The following RBFOX3 variants were observed in gnomAD, a reference collection of about 807,000 sequenced individuals.
RBFOX3 encodes the protein RNA binding fox-1 homolog 3.
In RBFOX3, 17 loss-of-function variants were observed where a neutral mutation model predicts 48.7. The observed-to-expected ratio is 0.35, with a 90% CI of 0.24 to 0.52. The LOEUF is 0.52. RBFOX3 is among the 20% of genes least tolerant of loss of function. RBFOX3 has a pLI of 0.94. For missense variants in RBFOX3, 382 were observed against 497.5 expected, an observed-to-expected ratio of 0.77 and a Z score of 2.21; for synonymous variants, 212 against 209.5, an observed-to-expected ratio of 1.01 and a Z score of -0.10.
At position 79,420,704 on chromosome 17, in the gene RBFOX3, G is replaced by A. The variant is rs528074795; in HGVS notation, c.-175+61750C>T. 1.4e-3 allele frequency among the ~76,000 whole-genome samples: 209 copies of A among 152,334 alleles called. 1 individual carries two copies. The highest frequency in any genetic ancestry group is 4.9e-3 in the African/African-American group (202 of 41,578). On this transcript the variant is annotated intron_variant, in intron 2 of 14. Transcript: ENST00000693108. ...GAGCTCGGCCACCCGAGGGGAGGGT[G>A]GAGGAAAGAGGCCTTGCTGTGAGGA...
At chr17:79,355,565 C>T (rs182484747) in intron 2 of RBFOX3, among the ~76,000 whole-genome samples, 63 of 152,140 alleles carry the variant, frequency 4.1e-4, no homozygotes, top group Non-Finnish European at 7.5e-4. Flanking sequence ...GAATATACCC[C>T]AAGCCTGTGA....
At chr17:79,583,966 G>A (rs1234706718) in intron 1 of RBFOX3, among the ~76,000 whole-genome samples, 1 of 152,068 alleles carries the variant, frequency 6.6e-6, no homozygotes, top group Non-Finnish European at 1.5e-5. Context: ...ACAGAGGGAG[G>A]AGCCCAGCCT....
At chr17:79,309,106 C>CA (rs5822288) in intron 2 of RBFOX3, among the ~76,000 whole-genome samples, 74,426 of 143,772 alleles carry the variant, frequency 0.52, 20,546 homozygotes, top group Non-Finnish European at 0.61. Flanking sequence ...GACTCTGTCT[C>CA]AAAAAAAAAA....
chr17:79,263,711 A>G (rs751855273), intron 3 of RBFOX3, among the ~76,000 whole-genome samples: 1 of 152,138 alleles, frequency 6.6e-6, no homozygotes, highest in Non-Finnish European at 1.5e-5. Flanking sequence ...GTTGCCTAGA[A>G]CGGTGCCTGA....
At chr17:79,512,279 A>G (rs1212745971) in intron 1 of RBFOX3, among the ~76,000 whole-genome samples, 3 of 134,822 alleles carry the variant, frequency 2.2e-5, no homozygotes, top group Non-Finnish European at 3.2e-5. Context: ...ACCCGGATAC[A>G]TATTACCATC....
At chr17:79,322,271 G>C (rs759345512) in intron 2 of RBFOX3, among the ~76,000 whole-genome samples, 7 of 140,528 alleles carry the variant, frequency 5.0e-5, no homozygotes, top group Non-Finnish European at 9.4e-5. Flanking sequence ...AGAGAGAGAG[G>C]AAGAGCAAGA....
At chr17:79,096,576 G>A (rs1568117376) in intron 12 of RBFOX3, 77 bp downstream of exon 12, 10 of 1,296,866 alleles carry the variant, frequency 7.7e-6, no homozygotes, top group Non-Finnish European at 5.4e-6. Flanking sequence ...CGGGCAGTGA[G>A]AGAGGAGACG....
intron 4 of RBFOX3, among the ~76,000 whole-genome samples, chr17:79,122,001 C>T (rs183313112): frequency 3.0e-3 from 450 of 152,268 alleles, no homozygotes; most frequent in Non-Finnish European, 4.8e-3. Context: ...ACCTCCTCCG[C>T]ATTGCCCCCA....
intron 1 of RBFOX3, among the ~76,000 whole-genome samples, chr17:79,501,239 C>T (rs1170584704): frequency 6.6e-6 from 1 of 152,200 alleles, no homozygotes; most frequent in Non-Finnish European, 1.5e-5. Flanking sequence ...CAATACGCTC[C>T]AGCCTGCTTG....
At chr17:79,192,315 G>T (rs573889183) in intron 4 of RBFOX3, among the ~76,000 whole-genome samples, 9 of 152,134 alleles carry the variant, frequency 5.9e-5, no homozygotes, top group African/African-American at 1.4e-4. Context: ...CATCAGGATG[G>T]GGGGGAGCCG....
At chr17:79,523,235 C>T (rs1312809061) in intron 1 of RBFOX3, among the ~76,000 whole-genome samples, 2 of 152,238 alleles carry the variant, frequency 1.3e-5, no homozygotes, top group East Asian at 3.9e-4. Flanking sequence ...GTGGTGACAG[C>T]TGCACAACAA....
chr17:79,131,818 C>T (rs940549585), intron 4 of RBFOX3, among the ~76,000 whole-genome samples: 29 of 152,294 alleles, frequency 1.9e-4, no homozygotes, highest in South Asian at 1.2e-3. Flanking sequence ...GAATCCTGCC[C>T]GGCCACCTGG....
intron 2 of RBFOX3, among the ~76,000 whole-genome samples, chr17:79,476,820 CAG>C (rs1221798333): frequency 4.6e-4 from 57 of 124,308 alleles, no homozygotes; most frequent in African/African-American, 1.4e-3. Context: ...GTGGCGGGGA[CAG>C]AGAGAGACAG....
rs557749171 is a variant in RBFOX3 at position 79,182,120 on chromosome 17, G to A, written c.-34+53646C>T. On this transcript the variant is annotated intron_variant, in intron 4 of 14. Transcript: ENST00000693108. ...CCAAGTTCCTTGGGGTGGGCACCCT[G>A]TACTCTCTCTCTCTCCAGTCTCGAA... Among the ~76,000 whole-genome samples the A allele has an allele frequency of 3.5e-4, 53 of 152,192 alleles. No individual in the cohort carries two copies. In the South Asian group the frequency reaches 0.011, roughly 30 times the overall value.
chr17:79,645,267 A>G, the RBFOX3 span, among the ~76,000 whole-genome samples: 1 of 152,056 alleles, frequency 6.6e-6, no homozygotes, highest in Non-Finnish European at 1.5e-5. Context: ...CCTTGCGTGC[A>G]ATGTCCAGCA....
intron 2 of RBFOX3, among the ~76,000 whole-genome samples, chr17:79,371,600 G>A (rs995817597): frequency 5.3e-5 from 8 of 152,120 alleles, no homozygotes; most frequent in Non-Finnish European, 8.8e-5. Context: ...CAGTCCCTAG[G>A]GTTAGGGGCC....
At chr17:79,165,451 AG>A (rs1048307093) in intron 4 of RBFOX3, among the ~76,000 whole-genome samples, 47 of 152,264 alleles carry the variant, frequency 3.1e-4, no homozygotes, top group African/African-American at 1.1e-3. Flanking sequence ...GGGAGGCCGC[AG>A]GAGGGCACAG....
chr17:79,571,897 G>A (rs968816278), intron 1 of RBFOX3, among the ~76,000 whole-genome samples: 3 of 152,130 alleles, frequency 2.0e-5, no homozygotes, highest in Non-Finnish European at 2.9e-5. Flanking sequence ...TGAGCACCCC[G>A]GGTGTGGCCT....
intron 2 of RBFOX3, among the ~76,000 whole-genome samples, chr17:79,467,828 A>G (rs1423646325): frequency 6.6e-6 from 1 of 151,770 alleles, no homozygotes; most frequent in Non-Finnish European, 1.5e-5. Context: ...CCAGGAAGGG[A>G]CCTTGAGCAA....
Sources: allele counts gnomAD v4.1 joint callset (sites outside exome capture counted in the v4.1 genomes callset), GRCh38; gene constraint gnomAD v4.1.1; transcripts MANE v1.5; gene names NCBI Gene and HGNC (gene_info 2026-07-23, HGNC 2026-07-21).